Variants in CSMD1 observed in about 807,000 individuals in gnomAD.
The protein encoded by CSMD1 is CUB and sushi domain-containing protein 1.
In CSMD1, 213 loss-of-function variants were observed where a neutral mutation model predicts 417.5. The ratio of observed to expected loss-of-function variants is 0.51; its 90% CI spans 0.46 to 0.57. CSMD1 has a LOEUF of 0.57. CSMD1 is among the 20% of genes least tolerant of loss of function. The pLI, the probability that CSMD1 is intolerant of heterozygous loss-of-function variation, is 0.00. For missense variants in CSMD1, 6,923 were observed against 4,529.7 expected, an observed-to-expected ratio of 1.53 and a Z score of -15.17; for synonymous variants, 2,862 against 1,736.8, an observed-to-expected ratio of 1.65 and a Z score of -16.11.
At chr8:4,902,260 T>C (rs960227521) in intron 1 of CSMD1, among the ~76,000 whole-genome samples, 81 of 147,026 alleles carry the variant, frequency 5.5e-4, no homozygotes, top group African/African-American at 2.0e-3. Flanking sequence ...AGACAAAACA[T>C]CTCGCTCTAT....
At position 4,766,179 on chromosome 8, in the gene CSMD1, T is replaced by C. The variant is rs542954310; in HGVS notation, c.86-128621A>G. Reference sequence around the variant, plus strand: ...CTAGTCCTGTAGACCTGATGCATTTTCCATGAACATATGTTGCCTACTAAC... The same window carrying C: ...CTAGTCCTGTAGACCTGATGCATTTCCCATGAACATATGTTGCCTACTAAC... On this transcript the variant is annotated intron_variant, in intron 1 of 69. Transcript: ENST00000635120. Among the ~76,000 whole-genome samples the C allele has an allele frequency of 2.6e-5, 4 of 152,316 alleles. No homozygotes were observed. In the East Asian group the frequency reaches 7.8e-4, roughly 30 times the overall value.
intron 5 of CSMD1, among the ~76,000 whole-genome samples, chr8:3,925,578 C>T (rs558219190): frequency 5.3e-5 from 8 of 152,246 alleles, no homozygotes; most frequent in South Asian, 2.1e-4. Context: ...GTAACTGAAT[C>T]GTGGAGACCA....
At chr8:3,527,230 T>TA (rs1180333980) in intron 10 of CSMD1, among the ~76,000 whole-genome samples, 2 of 152,166 alleles carry the variant, frequency 1.3e-5, no homozygotes, top group Non-Finnish European at 2.9e-5. Flanking sequence ...AACCAAATGT[T>TA]AATTGGCTCC....
chr8:4,975,733 G>C (rs931321257), intron 1 of CSMD1, among the ~76,000 whole-genome samples: 2 of 152,148 alleles, frequency 1.3e-5, no homozygotes, highest in African/African-American at 2.4e-5. Context: ...GATGTGCTGA[G>C]ACAATGAAGA....
At chr8:4,809,316 C>T (rs1343401722) in intron 1 of CSMD1, among the ~76,000 whole-genome samples, 1 of 152,162 alleles carries the variant, frequency 6.6e-6, no homozygotes, top group Non-Finnish European at 1.5e-5. Flanking sequence ...TATTATACAT[C>T]TATAGCAAGA....
Position 4,055,551 on chromosome 8 carries a change from T to C in CSMD1, c.416-23452A>G, listed in dbSNP as rs563650714. ...TAATAATGTCAAGAATTTTAATGAA[T>C]ATCATATAAAGAAGAAGAGTCAAAA... On this transcript the variant is annotated intron_variant, in intron 3 of 69. Coordinates refer to ENST00000635120, the MANE Select transcript of CSMD1 (RefSeq NM_033225.6). Among the ~76,000 whole-genome samples the C allele has an allele frequency of 9.1e-4, 128 of 141,106 alleles. 2 individuals are homozygous for C. Among genetic ancestry groups the C allele is most frequent in the African/African-American group, 3.9e-3 (126 of 31,988 alleles). The allele number at this position is 141,106 out of a possible 152,430, so 92.6% of individuals were successfully genotyped here. A position where few individuals can be genotyped will look rare whatever the true frequency, so the allele number is the denominator to read the frequency against.
intron 5 of CSMD1, among the ~76,000 whole-genome samples, chr8:3,895,648 A>G (rs546153903): frequency 6.6e-6 from 1 of 152,218 alleles, no homozygotes; most frequent in African/African-American, 2.4e-5. Context: ...ATCCTAAATA[A>G]TTACTATATT....
At chr8:3,961,389 TAC>T (rs1332020605) in intron 5 of CSMD1, among the ~76,000 whole-genome samples, 2 of 152,240 alleles carry the variant, frequency 1.3e-5, no homozygotes, top group African/African-American at 4.8e-5. Flanking sequence ...GACTCCACTG[TAC>T]ACAGTTTCAG....
chr8:3,144,505 C>G (rs1451862965), intron 40 of CSMD1, among the ~76,000 whole-genome samples: 1 of 151,968 alleles, frequency 6.6e-6, no homozygotes, highest in Admixed American at 6.6e-5. Context: ...GAATGAGTAA[C>G]TAGATTCATA....
chr8:4,973,443 A>G (rs1810361949), intron 1 of CSMD1, among the ~76,000 whole-genome samples: 1 of 152,142 alleles, frequency 6.6e-6, no homozygotes, highest in Non-Finnish European at 1.5e-5. Flanking sequence ...GTTTTAGAAC[A>G]TTTTCTAGCT....
chr8:3,439,259 T>C (rs931048486), intron 12 of CSMD1, among the ~76,000 whole-genome samples: 1 of 130,148 alleles, frequency 7.7e-6, no homozygotes, highest in African/African-American at 2.9e-5. Flanking sequence ...ACTTCTCTAT[T>C]TGAGAGCATT....
At chr8:3,950,411 G>A (rs747229070) in intron 5 of CSMD1, among the ~76,000 whole-genome samples, 6 of 152,226 alleles carry the variant, frequency 3.9e-5, no homozygotes, top group African/African-American at 1.4e-4. Context: ...ACGGGTCAAT[G>A]TAAGTAGCAG....
At chr8:3,865,772 G>A (rs1021590237) in intron 5 of CSMD1, among the ~76,000 whole-genome samples, 11 of 152,120 alleles carry the variant, frequency 7.2e-5, no homozygotes, top group South Asian at 2.1e-4. Context: ...CTAGGTTTCC[G>A]TCATATTTCT....
intron 2 of CSMD1, among the ~76,000 whole-genome samples, chr8:4,426,922 T>C (rs983774709): frequency 4.0e-5 from 6 of 151,888 alleles, no homozygotes; most frequent in Non-Finnish European, 7.4e-5. Context: ...TTATTTTATA[T>C]AGAAGAGAAA....
chr8:3,176,030 G>A (rs961202490), intron 37 of CSMD1, among the ~76,000 whole-genome samples: 4 of 152,098 alleles, frequency 2.6e-5, no homozygotes, highest in African/African-American at 9.7e-5. Context: ...ATTTTGGATA[G>A]ATGTCATTAG....
chr8:4,881,411 A>ATATCTATCTATCTATC (rs10659062), intron 1 of CSMD1, among the ~76,000 whole-genome samples: 2 of 134,792 alleles, frequency 1.5e-5, no homozygotes, highest in African/African-American at 2.7e-5. Context: ...CCTAGTATAC[A>ATATCTATCTATCTATC]TATCTATCTA....
intron 1 of CSMD1, among the ~76,000 whole-genome samples, chr8:4,984,656 A>G (rs1811076836): frequency 6.6e-6 from 1 of 152,194 alleles, no homozygotes; most frequent in African/African-American, 2.4e-5. Context: ...GTAAAGGGGA[A>G]TGAACTTGCC....
intron 3 of CSMD1, among the ~76,000 whole-genome samples, chr8:4,340,239 C>T (rs185030895): frequency 4.1e-4 from 63 of 152,138 alleles, no homozygotes; most frequent in Admixed American, 1.6e-3. Context: ...CTCCCCTTTT[C>T]CTCTCACTGA....
At chr8:3,397,784 T>A (rs529692156) in intron 16 of CSMD1, among the ~76,000 whole-genome samples, 3 of 152,088 alleles carry the variant, frequency 2.0e-5, no homozygotes, top group African/African-American at 7.2e-5. Context: ...CAGGATGACG[T>A]TGGAAACAGA....
Sources: gnomAD v4.1 joint callset for allele counts (sites outside exome capture counted in the v4.1 genomes callset) on GRCh38, gnomAD v4.1.1 for gene constraint, MANE v1.5 for transcripts, NCBI Gene and HGNC (gene_info 2026-07-23, HGNC 2026-07-21) for gene names.